MYCBP2: variants seen among roughly 807,000 people sequenced by gnomAD.
MYCBP2 encodes the protein MYC binding protein 2.
Under a neutral mutation model 525.3 loss-of-function variants are expected in MYCBP2, and 120 were observed. The ratio of observed to expected loss-of-function variants is 0.23; its 90% confidence interval spans 0.20 to 0.27. MYCBP2 has a LOEUF of 0.27. MYCBP2 is among the 10% of genes least tolerant of loss of function. The probability of loss-of-function intolerance (pLI) is 1.00; values close to 1 mark genes in which losing one functional copy is unlikely to be tolerated. For synonymous variants in MYCBP2, 1,894 were observed against 1,955.8 expected (o/e 0.97, Z 0.83); for missense variants, 4,149 against 5,657.1 (o/e 0.73, Z 8.55).
At chr13:77,192,407 A>G (rs2061371943) in intron 27 of MYCBP2, among the ~76,000 whole-genome samples, 1 of 152,240 alleles carries the variant, frequency 6.6e-6, no homozygotes, top group African/African-American at 2.4e-5. Flanking sequence ...ATATCTATAC[A>G]AACATTATTA....
chr13:77,214,705 A>G (rs2064555649), intron 21 of MYCBP2, among the ~76,000 whole-genome samples: 1 of 152,158 alleles, frequency 6.6e-6, no homozygotes, highest in African/African-American at 2.4e-5. Context: ...CGGTATATCT[A>G]CTACATACTT....
intron 2 of MYCBP2, among the ~76,000 whole-genome samples, chr13:77,294,756 C>A (rs1215332765): frequency 2.0e-5 from 3 of 152,126 alleles, no homozygotes. Context: ...CTCCTCTATC[C>A]CAGAAGCAGA....
At chr13:77,201,666 A>G (rs1204334936) in intron 26 of MYCBP2, among the ~76,000 whole-genome samples, 1 of 151,502 alleles carries the variant, frequency 6.6e-6, no homozygotes, top group African/African-American at 2.4e-5. Context: ...CAGCAAATGT[A>G]AAAGAACAGA....
Position 77,326,681 on chromosome 13 carries a change from G to A in MYCBP2, c.95C>T (p.Pro32Leu). 6.9e-7 allele frequency: 1 copy of A among 1,456,938 alleles called. No individual in the cohort carries two copies. The highest frequency in any genetic ancestry group is 9.0e-7 in the Non-Finnish European group (1 of 1,111,902). The allele number at this position is 1,456,938 out of a possible 1,614,324, so 90.3% of individuals were successfully genotyped here. ...CGGCATGAACAGCGCCCCCGGCGCCGGGGAGGAAGAGAAGGTGGCGGCTGG... is the reference window on the plus strand; with the variant it reads ...CGGCATGAACAGCGCCCCCGGCGCCAGGGAGGAAGAGAAGGTGGCGGCTGG... ...FYPAATFSSS[P>L]APGALFMPVP... Residue 32 changes from proline (P) to leucine (L), a missense_variant, in exon 1 of 83, where the codon CCG (proline) becomes CTG (leucine). Transcript: ENST00000544440. The surrounding 1 kb of genome is among the most constrained non-coding windows in gnomAD (Gnocchi z 4.2).
intron 23 of MYCBP2, among the ~76,000 whole-genome samples, chr13:77,209,335 A>G (rs563947989): frequency 6.6e-6 from 1 of 152,372 alleles, no homozygotes; most frequent in South Asian, 2.1e-4. Context: ...TTGCTAACTT[A>G]GTGAATGCAT....
At chr13:77,186,182 T>C in intron 30 of MYCBP2, 119 bp from the exon 31 acceptor site, 1 of 690,858 alleles carries the variant, frequency 1.4e-6, no homozygotes, top group East Asian at 3.0e-5. Flanking sequence ...TTTACTGAGT[T>C]TTTTAATTGA....
At chr13:77,278,374 T>A (rs370635870) in intron 4 of MYCBP2, among the ~76,000 whole-genome samples, 16 of 152,330 alleles carry the variant, frequency 1.1e-4, no homozygotes, top group African/African-American at 3.8e-4. Context: ...TTGAGAAATG[T>A]GTGTGCACGA....
At chr13:77,151,925 A>G (rs2056517731) in intron 46 of MYCBP2, among the ~76,000 whole-genome samples, 1 of 152,246 alleles carries the variant, frequency 6.6e-6, no homozygotes, top group Admixed American at 6.5e-5. Flanking sequence ...TTAGTTCTTC[A>G]GCAGGTATCA....
chr13:77,229,639 A>G (rs915901444), intron 18 of MYCBP2, among the ~76,000 whole-genome samples: 1 of 152,220 alleles, frequency 6.6e-6, no homozygotes, highest in Non-Finnish European at 1.5e-5. Context: ...AAGACTACAC[A>G]CATATATTTT....
chr13:77,209,671 T>G (rs1329490421), intron 23 of MYCBP2, among the ~76,000 whole-genome samples: 1 of 152,180 alleles, frequency 6.6e-6, no homozygotes, highest in Non-Finnish European at 1.5e-5. Flanking sequence ...AGTCTCTTGT[T>G]ATTTCATCTA....
chr13:77,205,116 C>T (rs1004627989), intron 26 of MYCBP2, 140 bp downstream of exon 26: 65 of 637,376 alleles, frequency 1.0e-4, no homozygotes, highest in Admixed American at 7.6e-4. Flanking sequence ...TTTTCTCTAT[C>T]GCTTTTTAAA....
At chr13:77,113,623 G>T (rs2049223307) in intron 55 of MYCBP2, among the ~76,000 whole-genome samples, 1 of 152,054 alleles carries the variant, frequency 6.6e-6, no homozygotes. Context: ...AATGCACTGG[G>T]ACAAAATGTC....
At position 77,254,821 on chromosome 13, in the gene MYCBP2, A is replaced by G. The variant is rs1392033572; in HGVS notation, c.2176+2850T>C. ...TCTATTTACTATCTCCATGAAATCA[A>G]TTTTTTAGTTCCCATATATGAGTGA... On this transcript the variant is annotated intron_variant, in intron 14 of 82. Transcript: ENST00000544440. Among the ~76,000 whole-genome samples, 3 of 151,666 alleles carry G rather than the reference A, an allele frequency of 2.0e-5. No individual in the cohort carries two copies. In the East Asian group the frequency reaches 5.8e-4, roughly 29 times the overall value.
intron 44 of MYCBP2, among the ~76,000 whole-genome samples, chr13:77,158,626 T>C (rs2057498307): frequency 6.6e-6 from 1 of 152,240 alleles, no homozygotes; most frequent in East Asian, 1.9e-4. Context: ...TTTAAAACTT[T>C]TTGTAGAGAT....
At chr13:77,104,018 T>C (rs554230155) in intron 55 of MYCBP2, among the ~76,000 whole-genome samples, 147 of 152,114 alleles carry the variant, frequency 9.7e-4, no homozygotes, top group African/African-American at 3.4e-3. Flanking sequence ...ACTTAATTTA[T>C]CTTTTTTTGA....
intron 34 of MYCBP2, 120 bp downstream of exon 34, chr13:77,180,007 A>T (rs2060071322): frequency 2.9e-6 from 2 of 700,702 alleles, no homozygotes; most frequent in Admixed American, 2.9e-5. Flanking sequence ...AAAACAATGC[A>T]TTGGGGTTGC....
chr13:77,156,910 T>C (rs180962190), intron 45 of MYCBP2, among the ~76,000 whole-genome samples: 8 of 152,298 alleles, frequency 5.3e-5, no homozygotes, highest in Non-Finnish European at 8.8e-5. Flanking sequence ...ATCACTATTT[T>C]GTGATTTTTA....
chr13:77,130,263 C>T (rs2052511842), intron 52 of MYCBP2, among the ~76,000 whole-genome samples: 1 of 151,526 alleles, frequency 6.6e-6, no homozygotes, highest in African/African-American at 2.4e-5. Context: ...AAAGAAACAT[C>T]AAAATTCCTT....
chr13:77,203,841 A>G (rs919497940), intron 26 of MYCBP2, among the ~76,000 whole-genome samples: 3 of 152,022 alleles, frequency 2.0e-5, no homozygotes, highest in African/African-American at 7.2e-5. Context: ...CTGGCTAGCC[A>G]TATGTAGAAA....
Sources: allele counts gnomAD v4.1 joint callset (sites outside exome capture counted in the v4.1 genomes callset), GRCh38; gene constraint gnomAD v4.1.1; non-coding constraint Gnocchi (gnomAD v3.1); transcripts MANE v1.5; gene names NCBI Gene and HGNC (gene_info 2026-07-23, HGNC 2026-07-21).